MORC4: variants seen among roughly 807,000 people sequenced by gnomAD.
MORC4 encodes MORC family CW-type zinc finger 4, also known as MORC family CW-type zinc finger protein 4.
A neutral mutation model predicts 65.5 loss-of-function variants in MORC4; 22 were observed. The ratio of observed to expected loss-of-function variants is 0.34; its 90% confidence interval spans 0.24 to 0.48. MORC4 has a LOEUF of 0.48. Among genes scored for constraint, MORC4 ranks in the 20% least tolerant of loss-of-function variants. The pLI is 0.99. For missense variants in MORC4, 624 were observed against 703.0 expected (o/e 0.89, Z 1.27); for synonymous variants, 267 against 255.8 (o/e 1.04, Z -0.42).
chrX:106,967,108 G>A (rs1934394944), intron 9 of MORC4, among the ~76,000 whole-genome samples: 1 of 111,419 alleles, frequency 9.0e-6, no homozygotes, highest in Non-Finnish European at 1.9e-5. Flanking sequence ...AGCTTCCAGA[G>A]GAAGGATCAG....
chrX:106,981,589 G>A (rs1934743564), intron 5 of MORC4, 112 bp from the exon 6 acceptor site: 1 of 668,679 alleles, frequency 1.5e-6, no homozygotes, highest in Non-Finnish European at 2.2e-6. Flanking sequence ...TCAGGTATCT[G>A]TTTCTTTCCC....
At chrX:106,986,235 AAGAAATC>A in intron 3 of MORC4, 35 bp from the exon 4 acceptor site, 1 of 1,078,902 alleles carries the variant, frequency 9.3e-7, no homozygotes, top group South Asian at 2.1e-5. Context: ...ATCAGAAAAA[AAGAAATC>A]AGAAAGGTAA....
intron 5 of MORC4, among the ~76,000 whole-genome samples, chrX:106,983,594 A>G (rs1934792260): frequency 8.9e-6 from 1 of 112,249 alleles, no homozygotes; most frequent in East Asian, 2.8e-4. Flanking sequence ...AGACATGCTA[A>G]GATTAAACAA....
chrX:106,997,735 AACTCC>A (rs746109822), intron 2 of MORC4, among the ~76,000 whole-genome samples: 1 of 111,565 alleles, frequency 9.0e-6, no homozygotes, highest in African/African-American at 3.3e-5. Context: ...GCTCTAATTA[AACTCC>A]ACTCAATATT....
intron 3 of MORC4, among the ~76,000 whole-genome samples, chrX:106,991,392 T>G (rs1029515721): frequency 2.7e-5 from 3 of 112,596 alleles, no homozygotes; most frequent in Non-Finnish European, 5.6e-5. Flanking sequence ...ACACAGGTGC[T>G]CAATAAAAAT....
chrX:106,960,914 A>T (rs1478016762), intron 10 of MORC4, among the ~76,000 whole-genome samples: 2 of 112,103 alleles, frequency 1.8e-5, no homozygotes, highest in African/African-American at 6.5e-5. Flanking sequence ...CATTAAAATA[A>T]TAGGTACCTA....
chrX:106,980,861 C>T (rs1407549315), intron 7 of MORC4, 30 bp downstream of exon 7: 6 of 1,180,255 alleles, frequency 5.1e-6, no homozygotes, highest in Non-Finnish European at 6.9e-6. Flanking sequence ...AAGAGGTCAA[C>T]TTCATGTAGT....
chrX:106,948,928 T>G (rs1270341490), intron 14 of MORC4, among the ~76,000 whole-genome samples: 3 of 111,775 alleles, frequency 2.7e-5, no homozygotes, highest in Non-Finnish European at 5.6e-5. Context: ...TTTGCTGAGC[T>G]TCCTAGATGT....
At chrX:106,970,691 C>T (rs761215477) in intron 9 of MORC4, among the ~76,000 whole-genome samples, 10 of 111,419 alleles carry the variant, frequency 9.0e-5, no homozygotes, top group Non-Finnish European at 1.9e-4. Context: ...AAAACAGAGC[C>T]AAATCATGAA....
intron 10 of MORC4, among the ~76,000 whole-genome samples, chrX:106,960,072 C>CT (rs1208898157): frequency 8.9e-6 from 1 of 112,087 alleles, no homozygotes; most frequent in Non-Finnish European, 1.9e-5. Flanking sequence ...CCTCTAAGCT[C>CT]TAAGCTCAGG....
At chrX:106,953,763 T>G (rs1934032953) in intron 14 of MORC4, among the ~76,000 whole-genome samples, 1 of 111,412 alleles carries the variant, frequency 9.0e-6, no homozygotes, top group Non-Finnish European at 1.9e-5. Context: ...CTTTATCCTA[T>G]TATGTATTCC....
intron 7 of MORC4, among the ~76,000 whole-genome samples, 172 bp downstream of exon 7, chrX:106,980,717 TAC>T (rs1333419656): frequency 9.0e-6 from 1 of 111,611 alleles, no homozygotes; most frequent in African/African-American, 3.2e-5. Flanking sequence ...ATAAAAATGG[TAC>T]ACAGATTGGC....
intron 14 of MORC4, among the ~76,000 whole-genome samples, chrX:106,947,560 A>G (rs1266141123): frequency 1.5e-5 from 1 of 68,777 alleles, no homozygotes. Flanking sequence ...TAGTTAATCT[A>G]TATATATATA....
chrX:106,942,671 G>T lies in MORC4; in HGVS notation c.2220C>A (p.Ile740=). Residue 740 remains isoleucine, a synonymous_variant, in exon 15 of 17, where the codon ATC becomes ATA. Transcript: ENST00000355610. ...PVPYSVASAA[I]PAAAIGEKAR... ...CTTTCTCCCCAATGGCTGCAGCAGG[G>T]ATTGCAGCAGAGGCCACAGAATAAG... 2 of 1,211,273 alleles carry T rather than the reference G, an allele frequency of 1.7e-6. No homozygotes were observed. The highest frequency in any genetic ancestry group is 2.2e-6 in the Non-Finnish European group (2 of 895,276).
chrX:106,944,453 G>A (rs775750900), intron 14 of MORC4, among the ~76,000 whole-genome samples: 1 of 111,835 alleles, frequency 8.9e-6, no homozygotes, highest in East Asian at 2.8e-4. Flanking sequence ...CAACAACCAA[G>A]CCTTGTGAAA....
At chrX:106,979,326 A>T (rs1233499552) in intron 7 of MORC4, among the ~76,000 whole-genome samples, 1 of 110,997 alleles carries the variant, frequency 9.0e-6, no homozygotes, top group Non-Finnish European at 1.9e-5. Context: ...TAACGCAAAA[A>T]CAAAACAAGA....
At chrX:106,991,632 G>A (rs1934985532) in intron 3 of MORC4, among the ~76,000 whole-genome samples, 1 of 111,964 alleles carries the variant, frequency 8.9e-6, no homozygotes, top group Non-Finnish European at 1.9e-5. Context: ...GATGGGTGCG[G>A]TGGTTCACAC....
Position 106,986,007 on chromosome X carries a change from T to C in MORC4, c.502A>G (p.Ile168Val), listed in dbSNP as rs200674942. ...CVQAQAVIVP[I>V]VPFNQQNKKM... ...TTGTTTTGCTGGTTGAATGGAACAA[T>C]TGGTACAATAACTGCCTGGGCCTGG... Residue 168 changes from isoleucine to valine, a missense_variant, in exon 4 of 17, where the codon ATT becomes GTT. Coordinates refer to ENST00000355610, the MANE Select transcript of MORC4 (RefSeq NM_024657.5). 9 of 1,207,584 alleles carry C rather than the reference T, an allele frequency of 7.5e-6. No individual in the cohort carries two copies. The highest frequency in any genetic ancestry group is 3.0e-5 in the East Asian group (1 of 33,757).
chrX:106,985,261 CAAAG>C lies in MORC4; in HGVS notation c.527-22_527-19del. On this transcript the variant is annotated intron_variant, in intron 4 of 16. Coordinates refer to ENST00000355610, the MANE Select transcript of MORC4 (RefSeq NM_024657.5). ...CATTTTTTGTAAAATCAAATATAGT[CAAAG>C]AAAAAATAATATCTTAGGATGCTAT... The C allele has an allele frequency of 9.1e-7, 1 of 1,093,391 alleles. No individual in the cohort carries two copies. Among genetic ancestry groups the C allele is most frequent in the Non-Finnish European group, 1.2e-6 (1 of 814,635 alleles). The allele number at this position is 1,093,391 out of a possible 1,213,427, so 90.1% of individuals were successfully genotyped here.
Sources: allele counts gnomAD v4.1 joint callset (sites outside exome capture counted in the v4.1 genomes callset), GRCh38; gene constraint gnomAD v4.1.1; transcripts MANE v1.5; gene names NCBI Gene and HGNC (gene_info 2026-07-23, HGNC 2026-07-21).